Variants in PSD3 observed in about 807,000 individuals in gnomAD.
PSD3 encodes PH and SEC7 domain-containing protein 3.
Under a neutral mutation model 105.5 loss-of-function variants are expected in PSD3, and 49 were observed. The observed-to-expected ratio is 0.46, with a 90% CI of 0.37 to 0.59. The LOEUF (loss-of-function observed/expected upper bound fraction) is 0.59, where lower values mean the gene tolerates loss of function less well. Ranked by LOEUF, PSD3 falls within the 20% of genes least tolerant of loss-of-function variation. The probability of loss-of-function intolerance (pLI) is 0.00; values close to 1 mark genes in which losing one functional copy is unlikely to be tolerated. For synonymous variants in PSD3, 557 were observed against 457.8 expected (o/e 1.22, Z -2.77); for missense variants, 1,561 against 1,263.8 (o/e 1.24, Z -3.57).
chr8:19,039,552 C>T lies in PSD3; in HGVS notation c.324+44654G>A, dbSNP rs79329942. On this transcript the variant is annotated intron_variant, in intron 1 of 1. Coordinates refer to the PSD3 transcript ENST00000521475. ...GTCCCTGATATGCTTGCTATATGACCTAGAGGTCTTCATCAAACCCTTTCT... is the reference window on the plus strand; with the variant it reads ...GTCCCTGATATGCTTGCTATATGACTTAGAGGTCTTCATCAAACCCTTTCT... Among the ~76,000 whole-genome samples the T allele has an allele frequency of 3.3e-3, 508 of 152,282 alleles. 1 individual carries two copies. Among genetic ancestry groups the T allele is most frequent in the African/African-American group, 0.012 (489 of 41,562 alleles).
intron 2 of PSD3, among the ~76,000 whole-genome samples, chr8:18,884,696 T>C (rs778422454): frequency 8.6e-5 from 13 of 152,016 alleles, no homozygotes; most frequent in Non-Finnish European, 1.8e-4. Flanking sequence ...GAACAGAAAA[T>C]ATTCCATTAA....
chr8:18,874,191 CTCACTCTGTT>C (rs564257781), intron 2 of PSD3, among the ~76,000 whole-genome samples: 345 of 151,904 alleles, frequency 2.3e-3, no homozygotes, highest in African/African-American at 8.0e-3. Flanking sequence ...GAGATGGAGT[CTCACTCTGTT>C]TCCAGGCTGG....
chr8:19,009,070 C>T (rs1288451241), intron 1 of PSD3, among the ~76,000 whole-genome samples: 1 of 152,114 alleles, frequency 6.6e-6, no homozygotes, highest in African/African-American at 2.4e-5. Flanking sequence ...ATTGTGAATT[C>T]CAATTAATGA....
chr8:18,729,953 T>C (rs1186922660), intron 9 of PSD3, among the ~76,000 whole-genome samples: 2 of 152,164 alleles, frequency 1.3e-5, no homozygotes, highest in Non-Finnish European at 2.9e-5. Context: ...CCATTTTAAT[T>C]AGAATAGCAA....
chr8:18,821,684 A>AACACACACACACACAC (rs10527060), intron 4 of PSD3, among the ~76,000 whole-genome samples: 1,646 of 131,250 alleles, frequency 0.013, 33 homozygotes, highest in East Asian at 0.042. Context: ...TGACCCCCAC[A>AACACACACACACACAC]ACACACACAC....
At chr8:18,697,209 G>A (rs902447171) in intron 9 of PSD3, among the ~76,000 whole-genome samples, 1 of 152,100 alleles carries the variant, frequency 6.6e-6, no homozygotes, top group Admixed American at 6.5e-5. Context: ...TCTCAATTTG[G>A]ACTAGCCAGG....
At chr8:19,030,604 C>T (rs334197) in intron 1 of PSD3, among the ~76,000 whole-genome samples, 131,176 of 152,140 alleles carry the variant, frequency 0.86, 56,941 homozygotes, top group Non-Finnish European at 0.92. Context: ...CCTTCCACCA[C>T]GATTGTAAGC....
intron 1 of PSD3, among the ~76,000 whole-genome samples, chr8:19,002,184 T>C (rs2129474472): frequency 6.6e-6 from 1 of 152,148 alleles, no homozygotes; most frequent in African/African-American, 2.4e-5. Context: ...AGAAAGTGAC[T>C]TTGAGAGGTC....
chr8:18,796,696 C>G (rs11203998), intron 8 of PSD3, among the ~76,000 whole-genome samples: 109,444 of 152,010 alleles, frequency 0.72, 40,703 homozygotes, highest in Non-Finnish European at 0.81. Context: ...AGGGGAGTCA[C>G]CCCTCCCCTA....
At position 18,920,029 on chromosome 8, in the gene PSD3, AAAC is replaced by A. The variant is rs933846173; in HGVS notation, c.130+16002_130+16004del. Among the ~76,000 whole-genome samples the A allele has an allele frequency of 4.7e-5, 7 of 147,576 alleles. No individual in the cohort carries two copies. In the South Asian group the frequency reaches 1.3e-3, roughly 28 times the overall value. On this transcript the variant is annotated intron_variant, in intron 2 of 15. Coordinates refer to ENST00000327040, the MANE Select transcript of PSD3 (RefSeq NM_015310.4). ...AAAATAAATAAATTAAAAAAAAAAA[AAAC>A]AATCACAAAAAAAAAAAAGTTTCAT...
chr8:18,779,847 A>T (rs1354409653), intron 8 of PSD3, among the ~76,000 whole-genome samples: 1 of 152,214 alleles, frequency 6.6e-6, no homozygotes, highest in Non-Finnish European at 1.5e-5. Context: ...GTTGTATAAC[A>T]AATAGTCTAG....
rs182383232 is a variant in PSD3 at position 19,019,375 on chromosome 8, C to A, written c.324+64831G>T. On this transcript the variant is annotated intron_variant, in intron 1 of 1. Coordinates refer to the PSD3 transcript ENST00000521475. ...GGCTCACTCCTCTTTATTATCAATT[C>A]TCAAGCAATCCAAGAGTCTTAAAAT... Among the ~76,000 whole-genome samples, 73 of 152,202 alleles carry A rather than the reference C, an allele frequency of 4.8e-4. 3 individuals are homozygous for A. In the East Asian group the frequency reaches 9.1e-3, roughly 19 times the overall value.
At chr8:18,783,697 A>C (rs1196415914) in intron 8 of PSD3, among the ~76,000 whole-genome samples, 2 of 152,144 alleles carry the variant, frequency 1.3e-5, no homozygotes, top group East Asian at 3.9e-4. Flanking sequence ...GCAGTGGCAC[A>C]ATCTCAGCTC....
At chr8:18,928,573 C>G (rs1030865732) in intron 2 of PSD3, among the ~76,000 whole-genome samples, 2 of 152,068 alleles carry the variant, frequency 1.3e-5, no homozygotes, top group African/African-American at 4.8e-5. Context: ...AACAATGATT[C>G]CATTTATATG....
intron 11 of PSD3, among the ~76,000 whole-genome samples, chr8:18,605,629 C>T (rs1375647988): frequency 1.3e-5 from 2 of 152,078 alleles, no homozygotes; most frequent in South Asian, 2.1e-4. Flanking sequence ...TTGGGAGGGG[C>T]CTGGGGCGGA....
At chr8:18,920,888 C>T (rs773256804) in intron 2 of PSD3, among the ~76,000 whole-genome samples, 1 of 152,116 alleles carries the variant, frequency 6.6e-6, no homozygotes, top group Non-Finnish European at 1.5e-5. Flanking sequence ...AATAGAGGTA[C>T]CTGTGTCAGG....
At chr8:19,041,701 A>G (rs764236983) in intron 1 of PSD3, among the ~76,000 whole-genome samples, 6 of 152,238 alleles carry the variant, frequency 3.9e-5, no homozygotes, top group Non-Finnish European at 7.3e-5. Flanking sequence ...CAGCTTTCAA[A>G]TAGATGACAC....
Position 18,603,385 on chromosome 8 carries a change from T to C in PSD3, c.2411-2951A>G, listed in dbSNP as rs114961155. On this transcript the variant is annotated intron_variant, in intron 11 of 15. Coordinates refer to ENST00000327040, the MANE Select transcript of PSD3 (RefSeq NM_015310.4). ...TATCTTTATTGATCACTTCTTTCTG[T>C]ACCTCAGATTGCTTTTTGGAGGCCA... Among the ~76,000 whole-genome samples, 866 of 152,348 alleles carry C rather than the reference T, an allele frequency of 5.7e-3. 7 individuals carry two copies. Among genetic ancestry groups the C allele is most frequent in the African/African-American group, 0.02 (820 of 41,566 alleles).
At chr8:18,998,678 T>C (rs1046375670) in intron 1 of PSD3, among the ~76,000 whole-genome samples, 8 of 151,824 alleles carry the variant, frequency 5.3e-5, no homozygotes, top group African/African-American at 1.9e-4. Context: ...CAGAGCGAGA[T>C]TCCATCTCCA....
Sources: allele counts gnomAD v4.1 joint callset (sites outside exome capture counted in the v4.1 genomes callset), GRCh38; gene constraint gnomAD v4.1.1; transcripts MANE v1.5; gene names NCBI Gene and HGNC (gene_info 2026-07-23, HGNC 2026-07-21).